The following EHBP1 variants were observed in gnomAD, a reference collection of about 807,000 sequenced individuals.
EHBP1 encodes the protein EH domain-binding protein 1.
Under a neutral mutation model 144.0 loss-of-function variants are expected in EHBP1, and 55 were observed. The observed-to-expected ratio is 0.38, with a 90% confidence interval of 0.31 to 0.48. EHBP1 has a LOEUF of 0.48. Ranked by LOEUF, EHBP1 falls within the 20% of genes least tolerant of loss-of-function variation. The pLI, the probability that EHBP1 is intolerant of heterozygous loss-of-function variation, is 0.98. For synonymous variants in EHBP1, 469 were observed against 472.7 expected, an observed-to-expected ratio of 0.99 and a Z score of 0.10; for missense variants, 1,200 against 1,364.2, an observed-to-expected ratio of 0.88 and a Z score of 1.90.
intron 14 of EHBP1, among the ~76,000 whole-genome samples, chr2:62,969,621 TAAAC>T (rs751217444): frequency 4.1e-4 from 62 of 152,188 alleles, no homozygotes; most frequent in African/African-American, 1.3e-3. Context: ...CTATGTATCT[TAAAC>T]AAATCCAAAA....
chr2:62,979,380 C>A, intron 15 of EHBP1, 45 bp downstream of exon 15: 1 of 1,578,316 alleles, frequency 6.3e-7, no homozygotes, highest in Non-Finnish European at 8.6e-7. Context: ...ACCCAGAAAT[C>A]CACAGTGGAC....
At chr2:62,827,671 CTTT>C in intron 6 of EHBP1, among the ~76,000 whole-genome samples, 1 of 145,932 alleles carries the variant, frequency 6.9e-6, no homozygotes, top group East Asian at 2.0e-4. Context: ...AGCAAGTTAA[CTTT>C]TTTTTTTTTT....
intron 19 of EHBP1, among the ~76,000 whole-genome samples, chr2:63,001,861 G>A (rs1436888150): frequency 6.6e-6 from 1 of 152,104 alleles, no homozygotes; most frequent in East Asian, 1.9e-4. Context: ...GATTTTCCTG[G>A]GGTTCTACTA....
intron 10 of EHBP1, among the ~76,000 whole-genome samples, chr2:62,898,040 G>C (rs895484914): frequency 1.3e-5 from 2 of 152,076 alleles, no homozygotes; most frequent in Non-Finnish European, 2.9e-5. Context: ...AATACTAATG[G>C]AACAAAAAAG....
At chr2:63,009,014 A>G (rs2060162950) in intron 19 of EHBP1, among the ~76,000 whole-genome samples, 1 of 151,708 alleles carries the variant, frequency 6.6e-6, no homozygotes, top group Admixed American at 6.6e-5. Context: ...AAACAGATAT[A>G]CCGTGGAATG....
chr2:62,725,922 A>G (rs1259919910), intron 2 of EHBP1, among the ~76,000 whole-genome samples: 1 of 152,094 alleles, frequency 6.6e-6, no homozygotes, highest in Non-Finnish European at 1.5e-5. Context: ...TGTTGCTAGC[A>G]TAGGAGCTAA....
At chr2:62,985,156 C>T (rs1314423240) in intron 15 of EHBP1, among the ~76,000 whole-genome samples, 1 of 152,100 alleles carries the variant, frequency 6.6e-6, no homozygotes, top group Non-Finnish European at 1.5e-5. Context: ...GGGGTTATAA[C>T]AGTCTCCAAC....
chr2:62,833,497 G>A (rs754641434), intron 7 of EHBP1, among the ~76,000 whole-genome samples: 42 of 152,174 alleles, frequency 2.8e-4, no homozygotes, highest in Non-Finnish European at 4.4e-4. Context: ...CAAACGACAA[G>A]TTAACTCTCT....
At chr2:62,915,044 T>C (rs1173924713) in intron 10 of EHBP1, among the ~76,000 whole-genome samples, 1 of 152,056 alleles carries the variant, frequency 6.6e-6, no homozygotes, top group Non-Finnish European at 1.5e-5. Context: ...TGGAAATATC[T>C]AAAAATGTGC....
At chr2:63,010,473 C>G (rs2060220106) in intron 19 of EHBP1, among the ~76,000 whole-genome samples, 1 of 151,584 alleles carries the variant, frequency 6.6e-6, no homozygotes. Flanking sequence ...AGTGTGTTCA[C>G]AGCTAAATGA....
At chr2:62,677,743 G>A (rs944700584) in intron 1 of EHBP1, among the ~76,000 whole-genome samples, 10 of 152,102 alleles carry the variant, frequency 6.6e-5, no homozygotes, top group Admixed American at 3.3e-4. Context: ...CAAAGTTTGT[G>A]TTTCTGTTCC....
chr2:62,884,649 G>A (rs549374370), intron 10 of EHBP1, among the ~76,000 whole-genome samples: 24 of 152,306 alleles, frequency 1.6e-4, no homozygotes, highest in Non-Finnish European at 1.8e-4. Context: ...ACAATTATGT[G>A]TGAGATAAGG....
At chr2:62,709,732 A>G (rs903949577) in intron 2 of EHBP1, among the ~76,000 whole-genome samples, 7 of 152,024 alleles carry the variant, frequency 4.6e-5, no homozygotes, top group Non-Finnish European at 1.0e-4. Flanking sequence ...ATGTTCTCCT[A>G]GAAGTATTGG....
chr2:63,018,788 A>T (rs905429088), intron 19 of EHBP1, among the ~76,000 whole-genome samples: 10 of 152,332 alleles, frequency 6.6e-5, no homozygotes, highest in African/African-American at 2.2e-4. Flanking sequence ...CATAATTTTC[A>T]ATTTGGAACA....
At chr2:62,717,380 T>A (rs1219192269) in intron 2 of EHBP1, among the ~76,000 whole-genome samples, 1 of 152,256 alleles carries the variant, frequency 6.6e-6, no homozygotes, top group Non-Finnish European at 1.5e-5. Context: ...AAAGAGCCAC[T>A]GAACTTGTTC....
In EHBP1 at chr2:62,707,265, A is replaced by G. The variant is rs938836452; in HGVS notation, c.74A>G (p.Gln25Arg). Residue 25 changes from glutamine (Q) to arginine (R), a missense_variant, in exon 2 of 23, where the codon CAG (glutamine) becomes CGG (arginine). Transcript: ENST00000431489. ...ASKFQFVASY[Q>R]ELMVECTKKW... The stretch of plus-strand genomic sequence containing the variant: ...AAGTTCCAGTTTGTGGCCTCCTACC[A>G]GGAGCTCATGGTTGAGTGTACGAAG... 4.3e-6 allele frequency: 7 copies of G among 1,614,076 alleles called. No individual in the cohort carries two copies. Among genetic ancestry groups the G allele is most frequent in the African/African-American group, 1.3e-5 (1 of 74,950 alleles).
chr2:62,770,281 T>C (rs1461318816), intron 4 of EHBP1, among the ~76,000 whole-genome samples: 1 of 152,174 alleles, frequency 6.6e-6, no homozygotes, highest in Admixed American at 6.5e-5. Flanking sequence ...GACAAAGGTC[T>C]AATATCCAGC....
At chr2:62,901,791 C>A (rs941630834) in intron 10 of EHBP1, among the ~76,000 whole-genome samples, 8 of 151,742 alleles carry the variant, frequency 5.3e-5, no homozygotes, top group African/African-American at 1.7e-4. Flanking sequence ...CATGGCAAAA[C>A]CCTATCTCTA....
At chr2:62,751,167 G>T (rs1436417758) in intron 3 of EHBP1, among the ~76,000 whole-genome samples, 9 of 152,112 alleles carry the variant, frequency 5.9e-5, no homozygotes, top group African/African-American at 1.2e-4. Flanking sequence ...CATCAATACC[G>T]AATTTATTGA....
Sources: allele counts gnomAD v4.1 joint callset (sites outside exome capture counted in the v4.1 genomes callset), GRCh38; gene constraint gnomAD v4.1.1; transcripts MANE v1.5; gene names NCBI Gene and HGNC (gene_info 2026-07-23, HGNC 2026-07-21).